The following DCHS2 variants were observed in gnomAD, a reference collection of about 807,000 sequenced individuals.
DCHS2 encodes the protein dachsous cadherin-related 2.
DCHS2 carries 142 observed loss-of-function variants against 182.4 expected under a neutral mutation model. That is an observed-to-expected ratio of 0.78 (90% CI 0.68 to 0.89). The LOEUF (loss-of-function observed/expected upper bound fraction) is 0.89. Ranked by LOEUF, DCHS2 falls within the 40% of genes least tolerant of loss-of-function variation. DCHS2 has a pLI of 0.00. For synonymous variants in DCHS2, 1,740 were observed against 1,663.3 expected (o/e 1.05, Z -1.12); for missense variants, 4,319 against 4,198.6 (o/e 1.03, Z -0.79).
chr4:154,474,692 C>T (rs1218159915), intron 1 of DCHS2, among the ~76,000 whole-genome samples: 2 of 32,908 alleles, frequency 6.1e-5, no homozygotes, highest in African/African-American at 8.9e-5. Context: ...AGCCTCTTGG[C>T]CACTTACTAG....
chr4:154,393,962 G>A lies in DCHS2; in HGVS notation c.2053-16518C>T, dbSNP rs144356921. 1.5e-3 allele frequency among the ~76,000 whole-genome samples: 221 copies of A among 152,180 alleles called. 1 individual carries two copies. Among genetic ancestry groups the A allele is most frequent in the African/African-American group, 4.2e-3 (173 of 41,558 alleles). On this transcript the variant is annotated intron_variant, in intron 1 of 19. Coordinates refer to ENST00000357232, the MANE Select transcript of DCHS2 (RefSeq NM_001358235.2). ...TCCTCAGTCTCAGACACATCCATAC[G>A]CAAGAATTCAAGGAATCAATCTAAG... is the stretch of plus-strand genomic sequence containing the variant.
At chr4:154,343,326 TAACAAG>T (rs1729198509) in intron 3 of DCHS2, 1 of 713,678 alleles carries the variant, frequency 1.4e-6, no homozygotes, top group Non-Finnish European at 2.0e-6. Flanking sequence ...CATTAGCCCC[TAACAAG>T]AGAGTCAGCC....
intron 8 of DCHS2, 54 bp from the exon 9 acceptor site, chr4:154,321,276 T>C: frequency 7.1e-7 from 1 of 1,406,664 alleles, no homozygotes; most frequent in Non-Finnish European, 9.3e-7. Flanking sequence ...AACAGTTTAA[T>C]GAATAAATGT....
intron 12 of DCHS2, among the ~76,000 whole-genome samples, chr4:154,304,143 T>TA (rs1735334759): frequency 6.6e-6 from 1 of 151,346 alleles, no homozygotes; most frequent in South Asian, 2.1e-4. Context: ...CAGTGGTAGC[T>TA]AAAGACAGAG....
chr4:154,486,463 C>G (rs550449643), intron 1 of DCHS2: 6 of 1,304,634 alleles, frequency 4.6e-6, no homozygotes, highest in African/African-American at 3.0e-5. Flanking sequence ...TTTTGTTTTT[C>G]CTGTATTTCC....
chr4:154,417,052 AC>A (rs1205538825), intron 1 of DCHS2, among the ~76,000 whole-genome samples: 1 of 151,808 alleles, frequency 6.6e-6, no homozygotes, highest in Non-Finnish European at 1.5e-5. Context: ...TGCAACTACA[AC>A]CACAGGATCG....
chr4:154,378,923 C>G (rs1731047796), intron 1 of DCHS2, among the ~76,000 whole-genome samples: 1 of 152,030 alleles, frequency 6.6e-6, no homozygotes, highest in African/African-American at 2.4e-5. Flanking sequence ...AATGTTTACC[C>G]CAGGTATATG....
chr4:154,360,135 C>T (rs1730051288), intron 3 of DCHS2, among the ~76,000 whole-genome samples: 2 of 151,790 alleles, frequency 1.3e-5, no homozygotes, highest in African/African-American at 4.8e-5. Flanking sequence ...AAATATTTGC[C>T]ATGTTTATCC....
intron 1 of DCHS2, among the ~76,000 whole-genome samples, chr4:154,395,825 G>T (rs1717796844): frequency 6.6e-6 from 1 of 152,204 alleles, no homozygotes; most frequent in Admixed American, 6.5e-5. Context: ...AGAGGACAAA[G>T]AGGAATTATG....
At chr4:154,378,169 G>A (rs566963548) in intron 1 of DCHS2, among the ~76,000 whole-genome samples, 4 of 152,140 alleles carry the variant, frequency 2.6e-5, no homozygotes, top group South Asian at 2.1e-4. Flanking sequence ...TTTGCCATAC[G>A]TACCACTTAT....
In DCHS2 at chr4:154,236,565, G is replaced by T; in HGVS notation, c.8087C>A (p.Ser2696Ter). The change falls in exon 20 of 20, where the codon TCA becomes TAA. Residue 2696 changes from serine to a stop codon, truncating the protein, a stop_gained. Coordinates refer to ENST00000357232, the MANE Select transcript of DCHS2 (RefSeq NM_001358235.2). LOFTEE classifies it low-confidence loss of function (END_TRUNC). The stretch of plus-strand genomic sequence containing the variant: ...GATGTTGTAGATGATTTCTGCATGT[G>T]ACCCTGTGTCACGGTCATTTGCTGA... ...VVSANDRDTG[S>*]HAEIIYNIIS... 1 of 1,613,988 alleles carries T rather than the reference G, an allele frequency of 6.2e-7. No individual in the cohort carries two copies. Among genetic ancestry groups the T allele is most frequent in the South Asian group, 1.1e-5 (1 of 91,052 alleles).
intron 5 of DCHS2, among the ~76,000 whole-genome samples, chr4:154,330,233 CT>C (rs1736466950): frequency 6.6e-6 from 1 of 152,342 alleles, no homozygotes; most frequent in South Asian, 2.1e-4. Flanking sequence ...GTTATTACTA[CT>C]TTAACATAAT....
At position 154,297,856 on chromosome 4, in the gene DCHS2, T is replaced by C. The variant is rs563625693; in HGVS notation, c.6458A>G (p.Glu2153Gly). 6.2e-7 allele frequency: 1 copy of C among 1,605,446 alleles called. No homozygotes were observed. The highest frequency in any genetic ancestry group is 1.1e-5 in the South Asian group (1 of 90,344). Residue 2153 changes from glutamate to glycine, a missense_variant, in exon 13 of 20, where the codon GAG becomes GGG. Transcript: ENST00000357232. Reference sequence around the variant, plus strand: ...AAACTTGAAGGGACACTCACCTGCCTCACAATTTTCAGTCACGAGCCCTTT... The same window carrying C: ...AAACTTGAAGGGACACTCACCTGCCCCACAATTTTCAGTCACGAGCCCTTT... ...LYKGLVTENCEAGTSIVTVKA... is the reference protein window; with the variant it reads ...LYKGLVTENCGAGTSIVTVKA...
At chr4:154,447,117 C>T (rs1734333275) in intron 1 of DCHS2, among the ~76,000 whole-genome samples, 1 of 152,014 alleles carries the variant, frequency 6.6e-6, no homozygotes, top group Admixed American at 6.6e-5. Context: ...CACGGCGAAA[C>T]CCCATCTCTA....
At chr4:154,330,240 A>C (rs1736467389) in intron 5 of DCHS2, among the ~76,000 whole-genome samples, 1 of 152,256 alleles carries the variant, frequency 6.6e-6, no homozygotes, top group African/African-American at 2.4e-5. Context: ...CTACTTTAAC[A>C]TAATGGCTAA....
intron 1 of DCHS2, among the ~76,000 whole-genome samples, chr4:154,426,482 G>A (rs1209883470): frequency 3.3e-5 from 5 of 152,184 alleles, no homozygotes; most frequent in East Asian, 3.9e-4. Flanking sequence ...ACAGGTCTCC[G>A]CATAAGGTTA....
At chr4:154,444,702 A>C (rs1451297951) in intron 1 of DCHS2, among the ~76,000 whole-genome samples, 2 of 152,178 alleles carry the variant, frequency 1.3e-5, no homozygotes, top group East Asian at 3.8e-4. Context: ...AAATCAGATC[A>C]TGTCACTTTG....
chr4:154,309,104 G>T (rs1229530580), intron 10 of DCHS2, among the ~76,000 whole-genome samples: 1 of 152,072 alleles, frequency 6.6e-6, no homozygotes, highest in Non-Finnish European at 1.5e-5. Context: ...CTTCCTTTCT[G>T]TTCTCTGAAC....
intron 1 of DCHS2, among the ~76,000 whole-genome samples, chr4:154,404,372 T>C (rs1418557918): frequency 6.6e-6 from 1 of 152,224 alleles, no homozygotes; most frequent in African/African-American, 2.4e-5. Flanking sequence ...AATTCCATTA[T>C]GATCACAGAA....
Sources: allele counts gnomAD v4.1 joint callset (sites outside exome capture counted in the v4.1 genomes callset), GRCh38; gene constraint gnomAD v4.1.1; transcripts MANE v1.5; gene names NCBI Gene and HGNC (gene_info 2026-07-23, HGNC 2026-07-21).